The following SHROOM3 variants were observed in gnomAD, a reference collection of about 807,000 sequenced individuals.
The protein encoded by SHROOM3 is protein Shroom3.
SHROOM3 carries 47 observed loss-of-function variants against 138.6 expected under a neutral mutation model. That is an observed-to-expected ratio of 0.34 (90% CI 0.27 to 0.43). SHROOM3 has a LOEUF of 0.43. Ranked by LOEUF, SHROOM3 falls within the 20% of genes least tolerant of loss-of-function variation. SHROOM3 has a pLI of 1.00. For missense variants in SHROOM3, 2,491 were observed against 2,596.5 expected, an observed-to-expected ratio of 0.96 and a Z score of 0.88; for synonymous variants, 1,062 against 1,063.3, an observed-to-expected ratio of 1.00 and a Z score of 0.02.
At chr4:76,657,995 T>C (rs941932733) in intron 2 of SHROOM3, among the ~76,000 whole-genome samples, 1 of 152,232 alleles carries the variant, frequency 6.6e-6, no homozygotes, top group Non-Finnish European at 1.5e-5. Context: ...GGCTCCAGCA[T>C]AAGCCAGGGC....
At chr4:76,470,939 G>A (rs6843293) in intron 1 of SHROOM3, among the ~76,000 whole-genome samples, 105,740 of 152,020 alleles carry the variant, frequency 0.7, 37,011 homozygotes, top group South Asian at 0.77. Flanking sequence ...ATTAATGTAA[G>A]TGGTGAATTC....
intron 2 of SHROOM3, among the ~76,000 whole-genome samples, chr4:76,596,253 GA>G (rs1453902770): frequency 6.6e-6 from 1 of 152,066 alleles, no homozygotes; most frequent in Non-Finnish European, 1.5e-5. Context: ...ATTTTCATAT[GA>G]AAAAATAGAG....
At chr4:76,606,894 G>T (rs1734634740) in intron 2 of SHROOM3, among the ~76,000 whole-genome samples, 1 of 152,092 alleles carries the variant, frequency 6.6e-6, no homozygotes, top group Non-Finnish European at 1.5e-5. Context: ...GTCTTGGTAT[G>T]CTAAACTCTA....
intron 1 of SHROOM3, among the ~76,000 whole-genome samples, chr4:76,537,375 G>A (rs1456183761): frequency 6.6e-6 from 1 of 152,174 alleles, no homozygotes; most frequent in Non-Finnish European, 1.5e-5. Flanking sequence ...GCCAGTAAAA[G>A]TACTTGAGCT....
At chr4:76,717,468 C>T (rs1475613250) in intron 3 of SHROOM3, among the ~76,000 whole-genome samples, 1 of 152,006 alleles carries the variant, frequency 6.6e-6, no homozygotes, top group Non-Finnish European at 1.5e-5. Flanking sequence ...CTGGTATTTC[C>T]ATTACGTCTA....
At chr4:76,490,232 C>T (rs1731821088) in intron 1 of SHROOM3, among the ~76,000 whole-genome samples, 1 of 152,128 alleles carries the variant, frequency 6.6e-6, no homozygotes, top group South Asian at 2.1e-4. Context: ...AAAAGGAAGA[C>T]TTAGCCGGCA....
At chr4:76,722,661 TAAAAA>T (rs200285699) in intron 3 of SHROOM3, among the ~76,000 whole-genome samples, 3 of 148,344 alleles carry the variant, frequency 2.0e-5, no homozygotes, top group Non-Finnish European at 3.0e-5. Context: ...AAATTAAAGT[TAAAAA>T]AAAAACCAGT....
intron 2 of SHROOM3, among the ~76,000 whole-genome samples, chr4:76,644,035 G>A (rs1735752301): frequency 6.6e-6 from 1 of 151,986 alleles, no homozygotes; most frequent in East Asian, 1.9e-4. Flanking sequence ...GTAGAGACAG[G>A]GTTTCACCAT....
chr4:76,479,712 C>T (rs28813417), intron 1 of SHROOM3, among the ~76,000 whole-genome samples: 7,359 of 152,126 alleles, frequency 0.048, 205 homozygotes, highest in Middle Eastern at 0.078. Context: ...AAGGAAAATA[C>T]GTTAAGGGCA....
At chr4:76,618,671 C>T (rs1054367592) in intron 2 of SHROOM3, among the ~76,000 whole-genome samples, 1 of 152,146 alleles carries the variant, frequency 6.6e-6, no homozygotes, top group African/African-American at 2.4e-5. Context: ...CTCAATATTT[C>T]AATGCATATT....
At position 76,739,227 on chromosome 4, in the gene SHROOM3, C is replaced by T. The variant is rs554492056; in HGVS notation, c.1054C>T (p.Arg352Trp). ...CTATGATAAATGGTCTAATATTCCT[C>T]GGGGCAAGGGAGTGCCACCCCCATC... is the stretch of plus-strand genomic sequence containing the variant. ...QGYDKWSNIP[R>W]GKGVPPPSWS... Residue 352 changes from arginine to tryptophan, a missense_variant, in exon 5 of 11, where the codon CGG (arginine) becomes TGG (tryptophan). By Grantham distance (101) the Arg-to-Trp change is moderately radical. Transcript: ENST00000296043. 2.3e-5 allele frequency: 37 copies of T among 1,614,100 alleles called. No individual in the cohort carries two copies. The highest frequency in any genetic ancestry group is 5.5e-5 in the South Asian group (5 of 91,082).
At chr4:76,515,638 G>A (rs1732429268) in intron 1 of SHROOM3, among the ~76,000 whole-genome samples, 1 of 152,154 alleles carries the variant, frequency 6.6e-6, no homozygotes, top group Non-Finnish European at 1.5e-5. Context: ...CAATAGAGCA[G>A]AGGATATGAA....
Position 76,669,947 on chromosome 4 carries a change from C to T in SHROOM3, c.324-40209C>T, listed in dbSNP as rs78409355. 7.2e-4 allele frequency among the ~76,000 whole-genome samples: 110 copies of T among 152,356 alleles called. 3 individuals are homozygous for T. In the East Asian group the frequency reaches 0.018, roughly 25 times the overall value. On this transcript the variant is annotated intron_variant, in intron 2 of 10. Transcript: ENST00000296043. ...ATATCTCATAGGCACTTGCCCCAGA[C>T]TGAGGTAATCTTTCTCATCAAAACT...
intron 10 of SHROOM3, among the ~76,000 whole-genome samples, chr4:76,775,068 A>G (rs1420516233): frequency 6.6e-6 from 1 of 152,000 alleles, no homozygotes; most frequent in East Asian, 1.9e-4. Context: ...CGAGCACTGT[A>G]CACTGTACCC....
At chr4:76,665,127 A>G (rs1483735976) in intron 2 of SHROOM3, among the ~76,000 whole-genome samples, 2 of 152,228 alleles carry the variant, frequency 1.3e-5, no homozygotes, top group East Asian at 3.8e-4. Flanking sequence ...TGCCAATACC[A>G]TCTACAAATA....
intron 2 of SHROOM3, chr4:76,586,339 G>A (rs1734154773): frequency 3.0e-6 from 3 of 985,696 alleles, no homozygotes; most frequent in Non-Finnish European, 3.6e-6. Context: ...CCAGAACCGT[G>A]CCTCTAGGCC....
chr4:76,518,372 G>T (rs965742157), intron 1 of SHROOM3, among the ~76,000 whole-genome samples: 1 of 152,112 alleles, frequency 6.6e-6, no homozygotes, highest in African/African-American at 2.4e-5. Context: ...GGTTGAATGA[G>T]ATCATTTTCC....
At chr4:76,770,565 AC>A in intron 9 of SHROOM3, 60 bp from the exon 10 acceptor site, 1 of 1,600,740 alleles carries the variant, frequency 6.2e-7, no homozygotes. Flanking sequence ...GGGGGAGGTG[AC>A]TTCTGCTTCC....
intron 2 of SHROOM3, among the ~76,000 whole-genome samples, chr4:76,582,875 T>C (rs986121274): frequency 1.3e-5 from 2 of 152,212 alleles, no homozygotes; most frequent in Non-Finnish European, 2.9e-5. Context: ...CCCTCCCTTC[T>C]GGTCCAGTGT....
Sources: gnomAD v4.1 joint callset for allele counts (sites outside exome capture counted in the v4.1 genomes callset) on GRCh38, gnomAD v4.1.1 for gene constraint, MANE v1.5 for transcripts, NCBI Gene and HGNC (gene_info 2026-07-23, HGNC 2026-07-21) for gene names.